The following HOXC4 variants were observed in gnomAD, a reference collection of about 807,000 sequenced individuals.
HOXC4 encodes homeobox protein Hox-C4.
A neutral mutation model predicts 25.5 loss-of-function variants in HOXC4; 15 were observed. The observed-to-expected ratio is 0.59, with a 90% confidence interval of 0.39 to 0.91. HOXC4 has a LOEUF of 0.91. Ranked by LOEUF, HOXC4 falls within the 40% of genes least tolerant of loss-of-function variation. The pLI is 0.00. For synonymous variants in HOXC4, 165 were observed against 148.0 expected, an observed-to-expected ratio of 1.11 and a Z score of -0.83; for missense variants, 342 against 352.4, an observed-to-expected ratio of 0.97 and a Z score of 0.24.
intron 1 of HOXC4, chr12:54,034,319 C>T: frequency 1.2e-6 from 2 of 1,614,176 alleles, no homozygotes; most frequent in Non-Finnish European, 1.7e-6. Flanking sequence ...CACGCGCTAC[C>T]AGACTCTGGA....
chr12:54,018,109 C>G (rs1265472319), intron 1 of HOXC4, among the ~76,000 whole-genome samples: 1 of 147,214 alleles, frequency 6.8e-6, no homozygotes, highest in Non-Finnish European at 1.5e-5. Flanking sequence ...CCCACTCGGG[C>G]GGATGGAAGG....
At chr12:54,017,862 C>T (rs896976467) in intron 1 of HOXC4, among the ~76,000 whole-genome samples, 16 of 152,252 alleles carry the variant, frequency 1.1e-4, no homozygotes, top group African/African-American at 2.9e-4. Context: ...AGTTAGCCCC[C>T]CAACCCCCAA....
chr12:54,055,166 G>T lies in HOXC4; in HGVS notation c.756G>T (p.Pro252=), dbSNP rs752744810. 1 of 1,611,224 alleles carries T rather than the reference G, an allele frequency of 6.2e-7. No individual in the cohort carries two copies. The highest frequency in any genetic ancestry group is 1.3e-5 in the African/African-American group (1 of 74,824). Reference sequence around the variant, plus strand: ...AAGACCACTCCCAGAGCGCCACGCCGCCGGAGCAGCAACGGGCAGAGGACA... The same window carrying T: ...AAGACCACTCCCAGAGCGCCACGCCTCCGGAGCAGCAACGGGCAGAGGACA... The part of the protein sequence containing the change: ...TSEDHSQSAT[P]PEQQRAEDIT... Residue 252 remains proline, a synonymous_variant, in exon 2 of 2, where the codon CCG becomes CCT. Coordinates refer to ENST00000430889, the MANE Select transcript of HOXC4 (RefSeq NM_153633.3).
intron 1 of HOXC4, chr12:54,034,286 G>C (rs752801299): frequency 5.3e-5 from 86 of 1,613,364 alleles, no homozygotes; most frequent in Non-Finnish European, 6.9e-5. Flanking sequence ...AGAGACGGAC[G>C]GCAAGCGGTC....
upstream of HOXC4, among the ~76,000 whole-genome samples, chr12:54,051,160 TGA>T (rs1937835944): frequency 6.6e-6 from 1 of 151,938 alleles, no homozygotes. Context: ...GCTGAGAGGA[TGA>T]GAGTCAGGCT....
chr12:54,047,337 T>A (rs1479174438), intron 1 of HOXC4, among the ~76,000 whole-genome samples: 2 of 152,214 alleles, frequency 1.3e-5, no homozygotes, highest in African/African-American at 2.4e-5. Context: ...GACCACAGCC[T>A]GAGAGTCCCG....
chr12:54,034,688 G>A, intron 1 of HOXC4: 1 of 578,150 alleles, frequency 1.7e-6, no homozygotes, highest in Non-Finnish European at 3.1e-6. Context: ...GGCTGTCGGC[G>A]CTGCCCCATC....
At chr12:54,025,533 G>T (rs1030364390) in intron 1 of HOXC4, among the ~76,000 whole-genome samples, 7 of 48,480 alleles carry the variant, frequency 1.4e-4, no homozygotes, top group South Asian at 5.4e-4. Flanking sequence ...TAATTGGGGG[G>T]GGGGGAGGTG....
intron 1 of HOXC4, chr12:54,032,925 C>G: frequency 1.8e-6 from 1 of 542,002 alleles, no homozygotes; most frequent in East Asian, 3.0e-5. Flanking sequence ...GTCATCAAGC[C>G]AAATTTATGA....
chr12:54,029,327 G>A (rs1940878529), intron 1 of HOXC4, among the ~76,000 whole-genome samples: 1 of 152,118 alleles, frequency 6.6e-6, no homozygotes, highest in South Asian at 2.1e-4. Flanking sequence ...TGAGAAAGGG[G>A]GCCCTCATCC....
At chr12:54,031,183 A>G (rs1940971883) in intron 1 of HOXC4, among the ~76,000 whole-genome samples, 1 of 152,248 alleles carries the variant, frequency 6.6e-6, no homozygotes, top group Admixed American at 6.5e-5. Context: ...GGCGCCCCGA[A>G]AGACCAGTAA....
chr12:54,033,478 A>G, intron 1 of HOXC4: 1 of 1,596,198 alleles, frequency 6.3e-7, no homozygotes, highest in South Asian at 1.1e-5. Flanking sequence ...GGGGAGATCA[A>G]AGAGGAGCAG....
At position 54,029,785 on chromosome 12, in the gene HOXC4, G is replaced by A. The variant is rs199717526; in HGVS notation, c.-124+12371G>A. 4 of 1,613,970 alleles carry A rather than the reference G, an allele frequency of 2.5e-6. No individual in the cohort carries two copies. In the African/African-American group the frequency reaches 4.0e-5, roughly 16 times the overall value. On this transcript the variant is annotated intron_variant, in intron 1 of 3. Transcript: ENST00000303406. Reference sequence around the variant, plus strand: ...GCCGGCGCATCGAGATCGCCAACGCGCTTTGCCTGACCGAGCGACAGATCA... The same window carrying A: ...GCCGGCGCATCGAGATCGCCAACGCACTTTGCCTGACCGAGCGACAGATCA...
chr12:54,019,714 C>G (rs908861606), intron 1 of HOXC4, among the ~76,000 whole-genome samples: 13 of 152,166 alleles, frequency 8.5e-5, no homozygotes, highest in African/African-American at 3.1e-4. Flanking sequence ...AGGTATTTCT[C>G]TTAATCCTAG....
chr12:54,029,596 CA>C, intron 1 of HOXC4: 1 of 1,545,414 alleles, frequency 6.5e-7, no homozygotes, highest in Non-Finnish European at 8.8e-7. Flanking sequence ...CTAGGCGAAA[CA>C]GTCTGCAGAG....
chr12:54,033,530 C>G (rs1017717478), intron 1 of HOXC4: 2 of 1,593,856 alleles, frequency 1.3e-6, no homozygotes, highest in Non-Finnish European at 1.7e-6. Context: ...AGCCACCGGC[C>G]CCGCCACAGA....
rs1937957369 is a variant in HOXC4, at chr12:54,055,463, G to T, written c.*258G>T. 6.2e-6 allele frequency: 1 copy of T among 161,332 alleles called. No homozygotes were observed. Among genetic ancestry groups the T allele is most frequent in the Non-Finnish European group, 1.3e-5 (1 of 75,786 alleles). 10.0% of individuals were successfully genotyped at this position (161,332 alleles called of 1,614,324 possible). ...TGTCTTAGCATGGTACCTGCTGGGT[G>T]TTTTTTTTTAAAAGGCCATTTTGGG... On this transcript the variant is annotated 3_prime_UTR_variant, in exon 2 of 2. Transcript: ENST00000430889.
chr12:54,035,551 G>T (rs1241906779), intron 1 of HOXC4, among the ~76,000 whole-genome samples: 1 of 152,130 alleles, frequency 6.6e-6, no homozygotes, highest in South Asian at 2.1e-4. Flanking sequence ...AGAGCCTCTG[G>T]GGGAAGAGAA....
At chr12:54,043,799 CCTT>C (rs1192857197) in intron 1 of HOXC4, among the ~76,000 whole-genome samples, 17 of 152,136 alleles carry the variant, frequency 1.1e-4, no homozygotes, top group African/African-American at 3.4e-4. Context: ...ATCCCCCTCT[CCTT>C]CTGTTCCAAG....
Sources: gnomAD v4.1 joint callset for allele counts (sites outside exome capture counted in the v4.1 genomes callset) on GRCh38, gnomAD v4.1.1 for gene constraint, MANE v1.5 for transcripts, NCBI Gene and HGNC (gene_info 2026-07-23, HGNC 2026-07-21) for gene names.